The following ZDHHC3 variants were observed in gnomAD, a reference collection of about 807,000 sequenced individuals.
The protein encoded by ZDHHC3 is palmitoyltransferase ZDHHC3.
In ZDHHC3, 9 loss-of-function variants were observed where a neutral mutation model predicts 30.6. That is an observed-to-expected ratio of 0.29 (90% CI 0.18 to 0.51). The LOEUF (loss-of-function observed/expected upper bound fraction) is 0.51, where lower values mean the gene tolerates loss of function less well. Among genes scored for constraint, ZDHHC3 ranks in the 20% least tolerant of loss-of-function variants. The pLI is 0.97. For synonymous variants in ZDHHC3, 136 were observed against 140.2 expected, an observed-to-expected ratio of 0.97 and a Z score of 0.21; for missense variants, 246 against 384.2, an observed-to-expected ratio of 0.64 and a Z score of 3.01.
At chr3:44,928,576 C>T (rs760841070) in intron 6 of ZDHHC3, among the ~76,000 whole-genome samples, 1 of 152,158 alleles carries the variant, frequency 6.6e-6, no homozygotes, top group Non-Finnish European at 1.5e-5. Flanking sequence ...TATGTAAATC[C>T]CCAGAGAAAT....
chr3:44,968,883 CTG>C (rs1705175062), intron 1 of ZDHHC3, among the ~76,000 whole-genome samples: 3 of 152,160 alleles, frequency 2.0e-5, no homozygotes, highest in Admixed American at 1.3e-4. Context: ...GTGGTCCACT[CTG>C]TTTTACAGAT....
rs527536401 is a variant in ZDHHC3, at chr3:44,934,049, C to T, written c.432-65G>A. On this transcript the variant is annotated intron_variant, in intron 3 of 6. Transcript: ENST00000424952. Reference sequence around the variant, plus strand: ...TGGTGTTGGGAGGGCCCCGGGGGAACGCAGAACCCATGGCTCCTGCTCCAC... The same window carrying T: ...TGGTGTTGGGAGGGCCCCGGGGGAATGCAGAACCCATGGCTCCTGCTCCAC... The T allele has an allele frequency of 4.3e-4, 637 of 1,487,076 alleles. 16 individuals are homozygous for T. In the Admixed American group the frequency reaches 9.4e-3, roughly 22 times the overall value. The allele number at this position is 1,487,076 out of a possible 1,614,324, so 92.1% of individuals were successfully genotyped here. A position where few individuals can be genotyped will look rare whatever the true frequency, so the allele number is the denominator to read the frequency against.
chr3:44,918,618 G>A lies in ZDHHC3; in HGVS notation c.*8071C>T, dbSNP rs1700374601. The A allele has an allele frequency of 3.0e-6, 3 of 985,464 alleles. No individual in the cohort carries two copies. Among genetic ancestry groups the A allele is most frequent in the African/African-American group, 3.5e-5 (2 of 57,360 alleles). The allele number at this position is 985,464 out of a possible 1,614,324, so 61.0% of individuals were successfully genotyped here. A position where few individuals can be genotyped will look rare whatever the true frequency, so the allele number is the denominator to read the frequency against. On this transcript the variant is annotated 3_prime_UTR_variant, in exon 7 of 7. Transcript: ENST00000424952. ...GCAGAAGGACGATGGGGTTAAGGAA[G>A]GAGTGCAGGACACAAACAGCATGCG... is the stretch of plus-strand genomic sequence containing the variant.
rs964915908 is a variant in ZDHHC3, at chr3:44,923,520, G to C, written c.*3169C>G. 6 of 985,302 alleles carry C rather than the reference G, an allele frequency of 6.1e-6. No homozygotes were observed. In the African/African-American group the frequency reaches 7.0e-5, roughly 11 times the overall value. 61.0% of individuals were successfully genotyped at this position (985,302 alleles called of 1,614,324 possible). On this transcript the variant is annotated 3_prime_UTR_variant, in exon 7 of 7. Coordinates refer to ENST00000424952, the MANE Select transcript of ZDHHC3 (RefSeq NM_001135179.2). ...CTTGGGGCTTTTTCAAGAAGTACAG[G>C]GCTGGGCCCAGTGGCTCACGCCTGT...
In ZDHHC3 at chr3:44,959,585, T is replaced by C. The variant is rs928180921; in HGVS notation, c.-24-125A>G. On this transcript the variant is annotated intron_variant, in intron 1 of 6. Transcript: ENST00000424952. This position sits in a 1 kb window ranked among gnomAD's most constrained non-coding sequence, Gnocchi z 4.3. The stretch of plus-strand genomic sequence containing the variant: ...AACCCCTGTGTGCAAAGCCACCTAA[T>C]CACCTTGTTCATTTAAAACATGAGT... 2.8e-6 allele frequency: 2 copies of C among 722,960 alleles called. No individual in the cohort carries two copies. The highest frequency in any genetic ancestry group is 2.9e-5 in the Admixed American group (1 of 34,522). 44.8% of individuals were successfully genotyped at this position (722,960 alleles called of 1,614,324 possible).
In ZDHHC3 at chr3:44,923,322, C is replaced by T. The variant is rs1397078574; in HGVS notation, c.*3367G>A. 7 of 981,522 alleles carry T rather than the reference C, an allele frequency of 7.1e-6. No homozygotes were observed. The highest frequency in any genetic ancestry group is 3.5e-5 in the African/African-American group (2 of 57,122). 60.8% of individuals were successfully genotyped at this position (981,522 alleles called of 1,614,324 possible). A position where few individuals can be genotyped will look rare whatever the true frequency, so the allele number is the denominator to read the frequency against. On this transcript the variant is annotated 3_prime_UTR_variant, in exon 7 of 7. Coordinates refer to ENST00000424952, the MANE Select transcript of ZDHHC3 (RefSeq NM_001135179.2). ...CGATCTCTTGACCTCGTGATCTGCC[C>T]GCCTCGGCCTCCCAAAGTGCTGGGA...
chr3:44,926,957 A>G, intron 6 of ZDHHC3, 110 bp from the exon 7 acceptor site: 1 of 1,389,214 alleles, frequency 7.2e-7, no homozygotes, highest in Non-Finnish European at 9.4e-7. Context: ...TTTTTAAAGC[A>G]ACAAAGCTAT....
intron 1 of ZDHHC3, among the ~76,000 whole-genome samples, chr3:44,974,667 C>T (rs1051861829): frequency 2.6e-5 from 4 of 152,180 alleles, no homozygotes; most frequent in East Asian, 1.9e-4. Context: ...AGGCAAAGTC[C>T]AACCCTGCAA....
intron 3 of ZDHHC3, 57 bp from the exon 4 acceptor site, chr3:44,934,041 C>G (rs137976622): frequency 2.0e-6 from 3 of 1,536,012 alleles, no homozygotes; most frequent in African/African-American, 2.7e-5. Context: ...GGGAGGGCCC[C>G]GGGGGAACGC....
In ZDHHC3 at chr3:44,918,262, G is replaced by A; in HGVS notation, c.*8427C>T. The A allele has an allele frequency of 8.3e-7, 1 of 1,208,584 alleles. No homozygotes were observed. The highest frequency in any genetic ancestry group is 1.1e-6 in the Non-Finnish European group (1 of 947,654). The allele number at this position is 1,208,584 out of a possible 1,614,324, so 74.9% of individuals were successfully genotyped here. ...GGGGGGGGCGGGGTGTCCACGGCATGGGTAAGATGGGGTCTGAGTGGGCAG... is the reference window on the plus strand; with the variant it reads ...GGGGGGGGCGGGGTGTCCACGGCATAGGTAAGATGGGGTCTGAGTGGGCAG... On this transcript the variant is annotated 3_prime_UTR_variant, in exon 7 of 7. Coordinates refer to ENST00000424952, the MANE Select transcript of ZDHHC3 (RefSeq NM_001135179.2).
At position 44,923,957 on chromosome 3, in the gene ZDHHC3, CT is replaced by C. The variant is rs1431772047; in HGVS notation, c.*2731del. 2.0e-6 allele frequency: 2 copies of C among 985,300 alleles called. No individual in the cohort carries two copies. Among genetic ancestry groups the C allele is most frequent in the African/African-American group, 3.5e-5 (2 of 57,206 alleles). The allele number at this position is 985,300 out of a possible 1,614,324, so 61.0% of individuals were successfully genotyped here. ...ATTATAGATTTGCTTGGATCTAAGC[CT>C]TTTGCATATTCAGTCTAGTTGCTAT... On this transcript the variant is annotated 3_prime_UTR_variant, in exon 7 of 7. Coordinates refer to ENST00000424952, the MANE Select transcript of ZDHHC3 (RefSeq NM_001135179.2).
rs1254269706 is a variant in ZDHHC3, at chr3:44,923,605, TAGCTAGGGCA to T, written c.*3074_*3083del. On this transcript the variant is annotated 3_prime_UTR_variant, in exon 7 of 7. Transcript: ENST00000424952. ...TTGCTGGAGGCCGGGCATTTGAGAC[TAGCTAGGGCA>T]ACACAGTGAGACCCTGACTCTATTA... is the stretch of plus-strand genomic sequence containing the variant. 1.1e-6 allele frequency: 1 copy of T among 933,552 alleles called. No individual in the cohort carries two copies. The highest frequency in any genetic ancestry group is 1.8e-5 in the African/African-American group (1 of 56,050). The allele number at this position is 933,552 out of a possible 1,614,324, so 57.8% of individuals were successfully genotyped here.
At position 44,925,302 on chromosome 3, in the gene ZDHHC3, G is replaced by A. The variant is rs1559649489; in HGVS notation, c.*1387C>T. 2 of 985,746 alleles carry A rather than the reference G, an allele frequency of 2.0e-6. No homozygotes were observed. Among genetic ancestry groups the A allele is most frequent in the African/African-American group, 3.5e-5 (2 of 57,236 alleles). 61.1% of individuals were successfully genotyped at this position (985,746 alleles called of 1,614,324 possible). ...TTAACTTTCGCCCTACCCAGGACAGGATTGAATAAACCTTAACTCCTACCC... is the reference window on the plus strand; with the variant it reads ...TTAACTTTCGCCCTACCCAGGACAGAATTGAATAAACCTTAACTCCTACCC... On this transcript the variant is annotated 3_prime_UTR_variant, in exon 7 of 7. Transcript: ENST00000424952.
Position 44,916,500 on chromosome 3 carries a change from G to C in ZDHHC3, c.*10189C>G, listed in dbSNP as rs893007450. 3.7e-4 allele frequency: 57 copies of C among 152,446 alleles called. No individual in the cohort carries two copies. The highest frequency in any genetic ancestry group is 1.3e-3 in the African/African-American group (54 of 41,454). The allele number at this position is 152,446 out of a possible 1,614,324, so 9.4% of individuals were successfully genotyped here. On this transcript the variant is annotated 3_prime_UTR_variant, in exon 7 of 7. Transcript: ENST00000424952. ...GCCAGGACTCATGCCCTTTTGCCTG[G>C]AGCTGGAAGGGGGGCCCTAACACTG...
At chr3:44,940,923 C>G (rs1371589733) in intron 3 of ZDHHC3, among the ~76,000 whole-genome samples, 1 of 152,216 alleles carries the variant, frequency 6.6e-6, no homozygotes, top group East Asian at 1.9e-4. Flanking sequence ...TTCTGTCTCT[C>G]CCTATACCAG....
chr3:44,922,278 C>T lies in ZDHHC3; in HGVS notation c.*4411G>A. 1 of 985,420 alleles carries T rather than the reference C, an allele frequency of 1.0e-6. No individual in the cohort carries two copies. The highest frequency in any genetic ancestry group is 1.2e-6 in the Non-Finnish European group (1 of 829,934). 61.0% of individuals were successfully genotyped at this position (985,420 alleles called of 1,614,324 possible). ...CATGTATCCAGGCTGCTACAATGCCCCTGGCTCTAGACTACTCACCGGCCG... is the reference window on the plus strand; with the variant it reads ...CATGTATCCAGGCTGCTACAATGCCTCTGGCTCTAGACTACTCACCGGCCG... On this transcript the variant is annotated 3_prime_UTR_variant, in exon 7 of 7. Coordinates refer to ENST00000424952, the MANE Select transcript of ZDHHC3 (RefSeq NM_001135179.2).
intron 3 of ZDHHC3, chr3:44,937,813 T>C (rs778732041): frequency 2.8e-5 from 12 of 427,952 alleles, no homozygotes; most frequent in South Asian, 3.6e-5. Flanking sequence ...GGTGATGACA[T>C]TGCCAAAGCA....
chr3:44,929,449 C>G lies in ZDHHC3; in HGVS notation c.611-13G>C, dbSNP rs374936433. 3.6e-5 allele frequency: 58 copies of G among 1,613,536 alleles called. No individual in the cohort carries two copies. Among genetic ancestry groups the G allele is most frequent in the Non-Finnish European group, 4.7e-5 (56 of 1,179,700 alleles). ...AAGGAGCTGCACTCTGAAAGAGAAG[C>G]AGCACACAGGGATTGGTACTGTCAC... On this transcript the variant is annotated splice_polypyrimidine_tract_variant and intron_variant, in intron 5 of 6. Transcript: ENST00000424952.
At position 44,929,420 on chromosome 3, in the gene ZDHHC3, A is replaced by G. The variant is rs764339899; in HGVS notation, c.627T>C (p.Ser209=). The G allele has an allele frequency of 6.2e-7, 1 of 1,613,938 alleles. No individual in the cohort carries two copies. Among genetic ancestry groups the G allele is most frequent in the Non-Finnish European group, 8.5e-7 (1 of 1,179,950 alleles). Residue 209 remains serine, a synonymous_variant, in exon 6 of 7, where the codon TCT becomes TCC. Coordinates refer to ENST00000424952, the MANE Select transcript of ZDHHC3 (RefSeq NM_001135179.2). ...EEDWTKCSSF[S]PPTTVILLIL... ...TAAGGAGAATCACTGTGGTGGGTGGAGAGAAGGAGCTGCACTCTGAAAGAG... is the reference window on the plus strand; with the variant it reads ...TAAGGAGAATCACTGTGGTGGGTGGGGAGAAGGAGCTGCACTCTGAAAGAG...
Sources: gnomAD v4.1 joint callset for allele counts (sites outside exome capture counted in the v4.1 genomes callset) on GRCh38, gnomAD v4.1.1 for gene constraint, Gnocchi (gnomAD v3.1) non-coding constraint, MANE v1.5 for transcripts, NCBI Gene and HGNC (gene_info 2026-07-23, HGNC 2026-07-21) for gene names.